Variants in SRRM3 observed in about 807,000 individuals in gnomAD.
SRRM3 encodes serine/arginine repetitive matrix 3.
Under a neutral mutation model 66.2 loss-of-function variants are expected in SRRM3, and 27 were observed. The ratio of observed to expected loss-of-function variants is 0.41; its 90% CI spans 0.30 to 0.56. The LOEUF (loss-of-function observed/expected upper bound fraction) is 0.56, where lower values mean the gene tolerates loss of function less well. Among genes scored for constraint, SRRM3 ranks in the 20% least tolerant of loss-of-function variants. The probability of loss-of-function intolerance (pLI) is 0.32; values close to 1 mark genes in which losing one functional copy is unlikely to be tolerated. For synonymous variants in SRRM3, 391 were observed against 414.9 expected, an observed-to-expected ratio of 0.94 and a Z score of 0.70; for missense variants, 918 against 991.9, an observed-to-expected ratio of 0.93 and a Z score of 1.00.
Position 76,264,801 on chromosome 7 carries a change from C to A in SRRM3, c.711C>A (p.Asn237Lys). 1 of 1,613,690 alleles carries A rather than the reference C, an allele frequency of 6.2e-7. No homozygotes were observed. Among genetic ancestry groups the A allele is most frequent in the Non-Finnish European group, 8.5e-7 (1 of 1,179,862 alleles). ...RSSKCKRKEKNKEKKRPHTES... is the reference protein window; with the variant it reads ...RSSKCKRKEKKKEKKRPHTES... ...CCAAGTGCAAAAGAAAAGAGAAGAA[C>A]AAAGAGAAGAAGAGGTAAGCGCCCT... Residue 237 changes from asparagine (N) to lysine (K), a missense_variant, in exon 9 of 15, where the codon AAC becomes AAA. Physicochemically the swap from Asn to Lys is moderately conservative, Grantham distance 94. Transcript: ENST00000611745.
intron 3 of SRRM3, among the ~76,000 whole-genome samples, chr7:76,249,184 G>C (rs534989471): frequency 1.3e-5 from 2 of 151,926 alleles, no homozygotes; most frequent in Non-Finnish European, 2.9e-5. Flanking sequence ...TCAGGAGTTC[G>C]AGACCACCCT....
chr7:76,235,079 G>A lies in SRRM3; in HGVS notation c.13G>A (p.Val5Met), dbSNP rs868960168. The part of the protein sequence containing the change: MSST[V>M]NNGAASMQST... ...AGGGCCAGCCACGATGTCCTCCACC[G>A]TGAACAACGGGGCGGCCAGCATGCA... Residue 5 changes from valine (V) to methionine (M), a missense_variant, in exon 2 of 15, where the codon GTG becomes ATG. Physicochemically the swap from Val to Met is conservative, Grantham distance 21. Transcript: ENST00000611745. 4 of 1,579,118 alleles carry A rather than the reference G, an allele frequency of 2.5e-6. No homozygotes were observed. The highest frequency in any genetic ancestry group is 3.4e-6 in the Non-Finnish European group (4 of 1,167,462).
intron 1 of SRRM3, among the ~76,000 whole-genome samples, chr7:76,230,752 CTTT>C (rs782632581): frequency 1.2e-5 from 1 of 83,668 alleles, no homozygotes; most frequent in African/African-American, 6.0e-5. Flanking sequence ...CTTTTACTTA[CTTT>C]TTTTTTTTTT....
chr7:76,278,356 G>A (rs906304645), intron 11 of SRRM3, among the ~76,000 whole-genome samples: 1 of 152,056 alleles, frequency 6.6e-6, no homozygotes, highest in African/African-American at 2.4e-5. Context: ...GCGTGGTGGC[G>A]GGCACCTGTA....
chr7:76,281,328 GTC>G (rs1802498460), intron 11 of SRRM3, 111 bp from the exon 12 acceptor site: 5 of 736,472 alleles, frequency 6.8e-6, no homozygotes, highest in Non-Finnish European at 8.8e-6. Context: ...CTCTGTCTCT[GTC>G]TCTTTCTTTC....
At chr7:76,251,438 A>G (rs1428774032) in intron 3 of SRRM3, among the ~76,000 whole-genome samples, 38 of 150,482 alleles carry the variant, frequency 2.5e-4, no homozygotes, top group Non-Finnish European at 3.0e-5. Context: ...GCAGTGGCGC[A>G]ATCTCGGCTC....
intron 3 of SRRM3, among the ~76,000 whole-genome samples, chr7:76,258,068 C>T (rs928795609): frequency 4.6e-5 from 7 of 152,160 alleles, no homozygotes; most frequent in African/African-American, 1.7e-4. Context: ...GCTGCGGGAG[C>T]AGGGACAGGA....
intron 1 of SRRM3, among the ~76,000 whole-genome samples, chr7:76,234,537 G>A (rs1185868765): frequency 2.6e-5 from 4 of 152,158 alleles, no homozygotes; most frequent in Non-Finnish European, 5.9e-5. Flanking sequence ...CTGTAGGGCT[G>A]CCCTGGGAGC....
At chr7:76,221,652 G>A (rs949102147) in intron 1 of SRRM3, among the ~76,000 whole-genome samples, 5 of 152,134 alleles carry the variant, frequency 3.3e-5, no homozygotes, top group Admixed American at 1.3e-4. Context: ...GTGAGCCACC[G>A]CGCCCCGCAC....
intron 11 of SRRM3, among the ~76,000 whole-genome samples, chr7:76,280,775 C>T (rs1281952205): frequency 6.7e-6 from 1 of 148,272 alleles, no homozygotes; most frequent in Non-Finnish European, 1.5e-5. Flanking sequence ...ACCCCACCCG[C>T]CCGCTCTCTC....
At chr7:76,274,281 C>T (rs1487445367) in intron 11 of SRRM3, among the ~76,000 whole-genome samples, 4 of 152,254 alleles carry the variant, frequency 2.6e-5, no homozygotes, top group African/African-American at 9.6e-5. Context: ...TCAAGTCCTT[C>T]CCTGGCTGCA....
At chr7:76,226,588 A>G (rs890750775) in intron 1 of SRRM3, among the ~76,000 whole-genome samples, 1 of 142,028 alleles carries the variant, frequency 7.0e-6, no homozygotes, top group East Asian at 2.2e-4. Context: ...TTATTTATTT[A>G]TTTATTTATT....
chr7:76,275,971 T>C (rs1256559057), intron 11 of SRRM3, among the ~76,000 whole-genome samples: 1 of 151,964 alleles, frequency 6.6e-6, no homozygotes, highest in Non-Finnish European at 1.5e-5. Context: ...ACCCAGCTAC[T>C]GAGGAGGCTG....
At chr7:76,236,562 C>T (rs1554604966) in intron 2 of SRRM3, among the ~76,000 whole-genome samples, 4 of 152,190 alleles carry the variant, frequency 2.6e-5, no homozygotes, top group African/African-American at 9.7e-5. Flanking sequence ...TAGACAGGGG[C>T]CACCATCTCT....
intron 1 of SRRM3, among the ~76,000 whole-genome samples, chr7:76,225,907 C>T (rs1165758758): frequency 1.3e-5 from 2 of 152,154 alleles, no homozygotes; most frequent in Non-Finnish European, 2.9e-5. Context: ...TGCCCTAGGT[C>T]TCTCAGCTTA....
intron 1 of SRRM3, among the ~76,000 whole-genome samples, chr7:76,228,587 A>T (rs1189128863): frequency 3.9e-5 from 6 of 152,020 alleles, no homozygotes; most frequent in African/African-American, 9.7e-5. Flanking sequence ...AGCCGGGTGT[A>T]GTGGTGTGCA....
intron 1 of SRRM3, among the ~76,000 whole-genome samples, chr7:76,206,370 G>A (rs1297868098): frequency 2.0e-5 from 3 of 150,044 alleles, no homozygotes; most frequent in Admixed American, 1.3e-4. Flanking sequence ...GAAAGGGATT[G>A]GAGAGAGAGA....
In SRRM3 at chr7:76,265,376, G is replaced by A. The variant is rs1554609366; in HGVS notation, c.738G>A (p.Glu246=). ...CCATCCACGCCAGGCCTCACACAGA[G>A]TCCCCAGGCCGGAGGTCTCATCGCC... The part of the protein sequence containing the change: ...KNKEKKRPHT[E]SPGRRSHRHS... Residue 246 remains glutamate, a synonymous_variant, in exon 10 of 15, where the codon GAG becomes GAA. Coordinates refer to ENST00000611745, the MANE Select transcript of SRRM3 (RefSeq NM_001110199.3). 1.3e-6 allele frequency: 2 copies of A among 1,598,514 alleles called. No individual in the cohort carries two copies. The highest frequency in any genetic ancestry group is 2.3e-5 in the East Asian group (1 of 43,470).
chr7:76,230,170 T>G lies in SRRM3; in HGVS notation c.-39-4858T>G, dbSNP rs192215285. 4.3e-4 allele frequency among the ~76,000 whole-genome samples: 66 copies of G among 152,306 alleles called. 2 individuals are homozygous for G. In the East Asian group the frequency reaches 0.011, roughly 25 times the overall value. On this transcript the variant is annotated intron_variant, in intron 1 of 14. Coordinates refer to ENST00000611745, the MANE Select transcript of SRRM3 (RefSeq NM_001110199.3). The stretch of plus-strand genomic sequence containing the variant: ...TGATTGTCAGACTACCAGTGTTCTA[T>G]CCAGTCAATAGTGAACATATTGGAT...
Sources: allele counts gnomAD v4.1 joint callset (sites outside exome capture counted in the v4.1 genomes callset), GRCh38; gene constraint gnomAD v4.1.1; transcripts MANE v1.5; gene names NCBI Gene and HGNC (gene_info 2026-07-23, HGNC 2026-07-21).